Variants in PCYT1A observed in about 807,000 individuals in gnomAD.
PCYT1A encodes the protein choline-phosphate cytidylyltransferase A.
PCYT1A carries 25 observed loss-of-function variants against 43.7 expected under a neutral mutation model. The observed-to-expected ratio is 0.57, with a 90% confidence interval of 0.42 to 0.80. The LOEUF is 0.80. Among genes scored for constraint, PCYT1A ranks in the 30% least tolerant of loss-of-function variants. The pLI is 0.00. For synonymous variants in PCYT1A, 172 were observed against 170.7 expected (o/e 1.01, Z -0.06); for missense variants, 421 against 474.2 (o/e 0.89, Z 1.04).
intron 2 of PCYT1A, among the ~76,000 whole-genome samples, chr3:196,264,094 T>C (rs1560172446): frequency 6.6e-6 from 1 of 152,164 alleles, no homozygotes; most frequent in Non-Finnish European, 1.5e-5. Context: ...GTCTTCCTCC[T>C]AAACCTGCTT....
intron 2 of PCYT1A, among the ~76,000 whole-genome samples, chr3:196,265,803 T>C (rs1217876263): frequency 1.5e-5 from 2 of 129,098 alleles, no homozygotes; most frequent in South Asian, 2.4e-4. Context: ...AGTGGCGCGA[T>C]CTCAGCTCAC....
rs1488275912 is a variant in PCYT1A at position 196,235,844 on chromosome 3, G to A, written c.*2844C>T. The A allele has an allele frequency of 6.6e-6, 1 of 152,236 alleles. No individual in the cohort carries two copies. Among genetic ancestry groups the A allele is most frequent in the Non-Finnish European group, 1.5e-5 (1 of 68,072 alleles). 9.4% of individuals were successfully genotyped at this position (152,236 alleles called of 1,614,324 possible). ...GCACACCTCTAACCTCATTTAATTA[G>A]GCACAGATGACCACATTATGCAACT... On this transcript the variant is annotated 3_prime_UTR_variant, in exon 9 of 9. Coordinates refer to ENST00000431016, the MANE Select transcript of PCYT1A (RefSeq NM_001312673.2). The surrounding 1 kb of genome is among the most constrained non-coding windows in gnomAD (Gnocchi z 4.3).
intron 2 of PCYT1A, among the ~76,000 whole-genome samples, chr3:196,259,619 G>A (rs1453326372): frequency 2.0e-5 from 3 of 151,948 alleles, no homozygotes; most frequent in Non-Finnish European, 4.4e-5. Context: ...CCAGGCTGGT[G>A]GATTGCTTGA....
chr3:196,259,703 GGC>G (rs1725050068), intron 2 of PCYT1A, among the ~76,000 whole-genome samples: 1 of 151,464 alleles, frequency 6.6e-6, no homozygotes, highest in African/African-American at 2.4e-5. Flanking sequence ...ACATTAGCTG[GGC>G]GTGGTGACAC....
chr3:196,250,494 C>G (rs1182729270), intron 3 of PCYT1A: 1 of 113,434 alleles, frequency 8.8e-6, no homozygotes, highest in Non-Finnish European at 1.8e-5. Flanking sequence ...AGGCTGAGGA[C>G]CAGATACACT....
In PCYT1A at chr3:196,252,566, T is replaced by C. The variant is rs536312775; in HGVS notation, c.218-4243A>G. Among the ~76,000 whole-genome samples, 1 of 152,320 alleles carries C rather than the reference T, an allele frequency of 6.6e-6. No individual in the cohort carries two copies. Among genetic ancestry groups the C allele is most frequent in the Non-Finnish European group, 1.5e-5 (1 of 68,016 alleles). On this transcript the variant is annotated intron_variant, in intron 3 of 8. Transcript: ENST00000431016. This position sits in a 1 kb window ranked among gnomAD's most constrained non-coding sequence, Gnocchi z 4.0. ...CAGGCTGGTTGTATTGATTTTATAA[T>C]ACAGGAAATAAAAATTTTAAATTAA...
chr3:196,285,844 C>T (rs1377473709), intron 1 of PCYT1A, among the ~76,000 whole-genome samples: 2 of 152,116 alleles, frequency 1.3e-5, no homozygotes, highest in African/African-American at 4.8e-5. Context: ...TCTGTACTTG[C>T]CAAATCACTA....
At chr3:196,272,998 C>A (rs1260814454) in intron 1 of PCYT1A, among the ~76,000 whole-genome samples, 1 of 152,210 alleles carries the variant, frequency 6.6e-6, no homozygotes, top group Non-Finnish European at 1.5e-5. Flanking sequence ...ACAAGCCAGG[C>A]ACGGAGCGGC....
chr3:196,278,508 AGGAGGCGAACAT>A (rs1725658659), intron 1 of PCYT1A, among the ~76,000 whole-genome samples: 1 of 152,194 alleles, frequency 6.6e-6, no homozygotes, highest in Non-Finnish European at 1.5e-5. Context: ...CCAATACAGT[AGGAGGCGAACAT>A]GGGGCAGTGC....
chr3:196,278,328 A>C (rs533289915), intron 1 of PCYT1A, among the ~76,000 whole-genome samples: 1 of 152,204 alleles, frequency 6.6e-6, no homozygotes, highest in Non-Finnish European at 1.5e-5. Flanking sequence ...CGCCTCTGTC[A>C]TCAACCAATA....
chr3:196,246,334 G>A (rs983398511), intron 5 of PCYT1A, among the ~76,000 whole-genome samples: 1 of 152,018 alleles, frequency 6.6e-6, no homozygotes, highest in African/African-American at 2.4e-5. Flanking sequence ...TCAGGCTTGG[G>A]GGCCTCTAAC....
At position 196,269,967 on chromosome 3, in the gene PCYT1A, G is replaced by A. The variant is rs1462312409; in HGVS notation, c.117+448C>T. ...CGGCTCACCGCATCCTCCGCCTCCC[G>A]AGTTCAAGCAATTCTCATGCCTCAG... On this transcript the variant is annotated intron_variant, in intron 2 of 8. Transcript: ENST00000431016. Among the ~76,000 whole-genome samples the A allele has an allele frequency of 3.9e-5, 6 of 152,172 alleles. No individual in the cohort carries two copies. The South Asian group carries it at 6.2e-4, about 16-fold the overall frequency.
chr3:196,286,692 T>C (rs1426130975), intron 1 of PCYT1A, among the ~76,000 whole-genome samples: 2 of 152,184 alleles, frequency 1.3e-5, no homozygotes, highest in Non-Finnish European at 2.9e-5. Flanking sequence ...GGCGGGTGGA[T>C]CACCTGAGGT....
chr3:196,244,838 A>G (rs1226733121), intron 5 of PCYT1A, among the ~76,000 whole-genome samples: 10 of 151,416 alleles, frequency 6.6e-5, no homozygotes, highest in Non-Finnish European at 7.4e-5. Context: ...ACTCAGGGTT[A>G]AATGGATTAA....
Position 196,280,188 on chromosome 3 carries a change from G to A in PCYT1A, c.-11+7427C>T, listed in dbSNP as rs979286132. ...CAAACAGACCTACCAAGGGAAAGAG[G>A]AGTTGGACTTTGCTTCCTGAACTAT... On this transcript the variant is annotated intron_variant, in intron 1 of 8. Coordinates refer to ENST00000431016, the MANE Select transcript of PCYT1A (RefSeq NM_001312673.2). Among the ~76,000 whole-genome samples, 13 of 151,998 alleles carry A rather than the reference G, an allele frequency of 8.6e-5. 1 individual carries two copies. The highest frequency in any genetic ancestry group is 2.1e-4 in the South Asian group (1 of 4,816).
chr3:196,272,570 C>T (rs1725464609), intron 1 of PCYT1A, among the ~76,000 whole-genome samples: 1 of 152,286 alleles, frequency 6.6e-6, no homozygotes, highest in Middle Eastern at 3.4e-3. Context: ...CCACCCACCT[C>T]GACCTCCCAA....
chr3:196,245,497 T>C (rs1026455854), intron 5 of PCYT1A, among the ~76,000 whole-genome samples: 1 of 152,264 alleles, frequency 6.6e-6, no homozygotes, highest in Non-Finnish European at 1.5e-5. Context: ...ATACTGGGGA[T>C]CAATAATGTT....
rs1283907390 is a variant in PCYT1A, at chr3:196,260,847, CA to C, written c.118-2961del. ...AGAGAAAGACTCTGCCTCAAAAAAACAAAACAAAACAAAAACAAAAACAAAA... is the reference window on the plus strand; with the variant it reads ...AGAGAAAGACTCTGCCTCAAAAAAACAAACAAAACAAAAACAAAAACAAAA... On this transcript the variant is annotated intron_variant, in intron 2 of 8. Coordinates refer to ENST00000431016, the MANE Select transcript of PCYT1A (RefSeq NM_001312673.2). 5.3e-5 allele frequency among the ~76,000 whole-genome samples: 8 copies of C among 152,100 alleles called. No homozygotes were observed. The East Asian group carries it at 1.5e-3, about 29-fold the overall frequency.
chr3:196,261,473 G>A lies in PCYT1A; in HGVS notation c.118-3586C>T, dbSNP rs375126342. Among the ~76,000 whole-genome samples, 78 of 152,136 alleles carry A rather than the reference G, an allele frequency of 5.1e-4. 1 individual carries two copies. In the East Asian group the frequency reaches 8.9e-3, roughly 17 times the overall value. On this transcript the variant is annotated intron_variant, in intron 2 of 8. Transcript: ENST00000431016. The stretch of plus-strand genomic sequence containing the variant: ...AGTTCGAGACCATCCTGACTAACAC[G>A]GTGAAACCCCGTCACTACTAAAAAT...
Sources: allele counts gnomAD v4.1 joint callset (sites outside exome capture counted in the v4.1 genomes callset), GRCh38; gene constraint gnomAD v4.1.1; non-coding constraint Gnocchi (gnomAD v3.1); transcripts MANE v1.5; gene names NCBI Gene and HGNC (gene_info 2026-07-23, HGNC 2026-07-21).